The following CACNG7 variants were observed in gnomAD, a reference collection of about 807,000 sequenced individuals.
CACNG7 encodes the protein calcium voltage-gated channel auxiliary subunit gamma 7.
A neutral mutation model predicts 26.3 loss-of-function variants in CACNG7; 9 were observed. That is an observed-to-expected ratio of 0.34 (90% CI 0.21 to 0.60). The LOEUF (loss-of-function observed/expected upper bound fraction) is 0.60, where lower values mean the gene tolerates loss of function less well. CACNG7 is among the 20% of genes least tolerant of loss of function. CACNG7 has a pLI of 0.81. For synonymous variants in CACNG7, 170 were observed against 157.0 expected, an observed-to-expected ratio of 1.08 and a Z score of -0.62; for missense variants, 297 against 380.4, an observed-to-expected ratio of 0.78 and a Z score of 1.82.
rs896056577 is a variant in CACNG7, at chr19:53,912,997, G to T, written c.166G>T (p.Ala56Ser). Residue 56 changes from alanine to serine, a missense_variant, in exon 2 of 6, where the codon GCC (alanine) becomes TCC (serine). By Grantham distance (99) the Ala-to-Ser change is moderately conservative. Transcript: ENST00000391767. The surrounding 1 kb of genome is among the most constrained non-coding windows in gnomAD (Gnocchi z 4.6). ...QTTEVKMALH[A>S]GLWRVCFFAG... is the part of the protein sequence containing the mutation. ...CACCGAGGTCAAGATGGCCCTGCAC[G>T]CCGGCCTCTGGCGAGTCTGCTTCTT... The T allele has an allele frequency of 6.2e-7, 1 of 1,612,474 alleles. No homozygotes were observed. The highest frequency in any genetic ancestry group is 1.1e-5 in the South Asian group (1 of 91,054).
intron 1 of CACNG7, among the ~76,000 whole-genome samples, chr19:53,910,175 C>T (rs2068853576): frequency 6.6e-6 from 1 of 152,106 alleles, no homozygotes; most frequent in Non-Finnish European, 1.5e-5. Flanking sequence ...AAGGGGGAAG[C>T]TGAGATCGGC....
Position 53,943,547 on chromosome 19 carries a change from AG to A in CACNG7, c.*1260del, listed in dbSNP as rs2069152692. ...GTTTGCATCTTAGGTGGGAGGGGGG[AG>A]GGGGGACCCGCCGCAGTTAACCTGA... On this transcript the variant is annotated 3_prime_UTR_variant, in exon 6 of 6. Coordinates refer to ENST00000391767, the MANE Select transcript of CACNG7 (RefSeq NM_031896.5). 1 of 28,320 alleles carries A rather than the reference AG, an allele frequency of 3.5e-5. No individual in the cohort carries two copies. The highest frequency in any genetic ancestry group is 6.6e-5 in the Non-Finnish European group (1 of 15,178). The allele number at this position is 28,320 out of a possible 1,614,324, so 1.8% of individuals were successfully genotyped here. A position where few individuals can be genotyped will look rare whatever the true frequency, so the allele number is the denominator to read the frequency against.
intron 4 of CACNG7, among the ~76,000 whole-genome samples, chr19:53,925,576 G>GGACTTGCCCCAGGCTGGTCATTGGTA (rs2069023354): frequency 1.3e-5 from 2 of 152,156 alleles, no homozygotes; most frequent in African/African-American, 4.8e-5. Flanking sequence ...GGTCATTGGT[G>GGACTTGCCCCAGGCTGGTCATTGGTA]GACTTGCCCC....
chr19:53,926,293 C>T (rs757992712), intron 4 of CACNG7, among the ~76,000 whole-genome samples: 7 of 152,128 alleles, frequency 4.6e-5, no homozygotes, highest in Non-Finnish European at 8.8e-5. Flanking sequence ...CACCCACTAG[C>T]ACTCTCCGCA....
chr19:53,916,938 C>T (rs546131999), intron 4 of CACNG7, among the ~76,000 whole-genome samples: 1 of 152,218 alleles, frequency 6.6e-6, no homozygotes, highest in East Asian at 1.9e-4. Context: ...GCTGGGATTA[C>T]AGGTGTGTGC....
chr19:53,919,748 T>A (rs1201854047), intron 4 of CACNG7, among the ~76,000 whole-genome samples: 5 of 95,622 alleles, frequency 5.2e-5, no homozygotes, highest in Non-Finnish European at 7.9e-5. Flanking sequence ...GTTGCCCAGG[T>A]CTGGTATTGG....
chr19:53,920,177 T>TC (rs556056847), intron 4 of CACNG7, among the ~76,000 whole-genome samples: 2 of 53,876 alleles, frequency 3.7e-5, no homozygotes, highest in African/African-American at 1.1e-4. Context: ...CCAGGCCTGG[T>TC]ATTGGTGGAG....
rs79108798 is a variant in CACNG7 at position 53,922,588 on chromosome 19, A to C, written c.424+7083A>C. Among the ~76,000 whole-genome samples, 104 of 49,290 alleles carry C rather than the reference A, an allele frequency of 2.1e-3. 20 individuals carry two copies. The highest frequency in any genetic ancestry group is 6.3e-3 in the Admixed American group (31 of 4,950). The allele number at this position is 49,290 out of a possible 152,430, so 32.3% of individuals were successfully genotyped here. A position where few individuals can be genotyped will look rare whatever the true frequency, so the allele number is the denominator to read the frequency against. ...TGGTCATTGGTGGAGTTGTCCCAGGACTGGTCATTGGTGCAGTTGTCCCAG... is the reference window on the plus strand; with the variant it reads ...TGGTCATTGGTGGAGTTGTCCCAGGCCTGGTCATTGGTGCAGTTGTCCCAG... On this transcript the variant is annotated intron_variant, in intron 4 of 5. Coordinates refer to ENST00000391767, the MANE Select transcript of CACNG7 (RefSeq NM_031896.5).
intron 2 of CACNG7, among the ~76,000 whole-genome samples, chr19:53,913,804 A>G (rs974360968): frequency 3.3e-4 from 50 of 151,436 alleles, no homozygotes; most frequent in South Asian, 1.3e-3. Flanking sequence ...AAAAAAAAAA[A>G]AAAAGAAAAT....
intron 4 of CACNG7, among the ~76,000 whole-genome samples, chr19:53,925,474 G>GTTGCCCGAGGCTGGTCATTGGTGGAC (rs1568778540): frequency 3.2e-4 from 20 of 62,220 alleles, no homozygotes; most frequent in African/African-American, 2.2e-3. Context: ...CATTGGTGGA[G>GTTGCCCGAGGCTGGTCATTGGTGGAC]TTGCCCCAGG....
Position 53,942,586 on chromosome 19 carries a change from A to AAT in CACNG7, c.*293_*294insAT. ...CTGGCCCCTCCTCTCCAAGAAAATT[A>AAT]GCTCCTCCCTCGTTCTCCACCTGCT... On this transcript the variant is annotated 3_prime_UTR_variant, in exon 6 of 6. Coordinates refer to ENST00000391767, the MANE Select transcript of CACNG7 (RefSeq NM_031896.5). The surrounding 1 kb of genome is among the most constrained non-coding windows in gnomAD (Gnocchi z 5.9). The AAT allele has an allele frequency of 7.7e-7, 1 of 1,296,864 alleles. No homozygotes were observed. The highest frequency in any genetic ancestry group is 9.8e-7 in the Non-Finnish European group (1 of 1,021,048). The allele number at this position is 1,296,864 out of a possible 1,614,324, so 80.3% of individuals were successfully genotyped here.
intron 2 of CACNG7, among the ~76,000 whole-genome samples, chr19:53,913,320 T>TA (rs111503095): frequency 0.018 from 2,568 of 143,662 alleles, 27 homozygotes; most frequent in African/African-American, 0.02. Context: ...TGGGCAAGAT[T>TA]AAAAAAAAAA....
At position 53,921,630 on chromosome 19, in the gene CACNG7, G is replaced by C. The variant is rs879769056; in HGVS notation, c.424+6125G>C. ...GTCCCCAGGTCTGGTCATTGGTGGA[G>C]TCGTCCCCAGGTCTGGTCATTGGTG... On this transcript the variant is annotated intron_variant, in intron 4 of 5. Coordinates refer to ENST00000391767, the MANE Select transcript of CACNG7 (RefSeq NM_031896.5). 7.6e-4 allele frequency among the ~76,000 whole-genome samples: 39 copies of C among 51,166 alleles called. 5 individuals carry two copies. The highest frequency in any genetic ancestry group is 2.4e-3 in the African/African-American group (10 of 4,190). The allele number at this position is 51,166 out of a possible 152,430, so 33.6% of individuals were successfully genotyped here.
intron 4 of CACNG7, among the ~76,000 whole-genome samples, chr19:53,920,874 T>C (rs2068941536): frequency 8.9e-6 from 1 of 112,034 alleles, no homozygotes; most frequent in African/African-American, 4.0e-5. Flanking sequence ...GTCTGGTCAT[T>C]GGTGGAGTTG....
chr19:53,915,195 G>A (rs1426257314), intron 3 of CACNG7, among the ~76,000 whole-genome samples, 170 bp from the exon 4 acceptor site: 8 of 151,868 alleles, frequency 5.3e-5, no homozygotes, highest in South Asian at 2.1e-4. Context: ...TGTGTCTGCC[G>A]AGGAAATATC....
chr19:53,911,724 A>T (rs1298246597), intron 1 of CACNG7, among the ~76,000 whole-genome samples: 3 of 152,220 alleles, frequency 2.0e-5, no homozygotes, highest in Non-Finnish European at 4.4e-5. Context: ...CGAGAGGACC[A>T]GGCAGCTCGC....
At chr19:53,936,239 G>A (rs1257998178) in intron 4 of CACNG7, among the ~76,000 whole-genome samples, 1 of 152,170 alleles carries the variant, frequency 6.6e-6, no homozygotes, top group Non-Finnish European at 1.5e-5. Context: ...AAAGGAGGGA[G>A]TGGTTTGCTC....
At chr19:53,918,757 T>C (rs2068914659) in intron 4 of CACNG7, among the ~76,000 whole-genome samples, 2 of 152,192 alleles carry the variant, frequency 1.3e-5, no homozygotes, top group Admixed American at 1.3e-4. Context: ...TTTGAATTTT[T>C]ATTTTACTTT....
At chr19:53,941,369 C>A in intron 4 of CACNG7, 101 bp from the exon 5 acceptor site, 1 of 1,360,050 alleles carries the variant, frequency 7.4e-7, no homozygotes, top group African/African-American at 1.5e-5. Context: ...GGAAGTTAGT[C>A]CAGGACAGAA....
Sources: gnomAD v4.1 joint callset for allele counts (sites outside exome capture counted in the v4.1 genomes callset) on GRCh38, gnomAD v4.1.1 for gene constraint, Gnocchi (gnomAD v3.1) non-coding constraint, MANE v1.5 for transcripts, NCBI Gene and HGNC (gene_info 2026-07-23, HGNC 2026-07-21) for gene names.